WDFY3: variants seen among roughly 807,000 people sequenced by gnomAD.
The protein encoded by WDFY3 is WD repeat and FYVE domain-containing protein 3.
In WDFY3, 66 loss-of-function variants were observed where a neutral mutation model predicts 409.6. That is an observed-to-expected ratio of 0.16 (90% CI 0.13 to 0.20). The LOEUF (loss-of-function observed/expected upper bound fraction) is 0.20. WDFY3 is among the 10% of genes least tolerant of loss of function. WDFY3 has a pLI of 1.00. For missense variants in WDFY3, 3,031 were observed against 4,298.1 expected, an observed-to-expected ratio of 0.71 and a Z score of 8.24; for synonymous variants, 1,521 against 1,537.1, an observed-to-expected ratio of 0.99 and a Z score of 0.25.
At chr4:84,875,580 T>G (rs1424396437) in intron 3 of WDFY3, among the ~76,000 whole-genome samples, 2 of 152,196 alleles carry the variant, frequency 1.3e-5, no homozygotes, top group African/African-American at 2.4e-5. Flanking sequence ...CTTTCAAACT[T>G]TCAAATTTTT....
chr4:84,780,766 AAAAT>A (rs370562593), intron 25 of WDFY3, among the ~76,000 whole-genome samples: 17 of 151,238 alleles, frequency 1.1e-4, no homozygotes, highest in South Asian at 2.1e-4. Flanking sequence ...TCCCTCTCAA[AAAAT>A]AAATAAATAA....
At chr4:84,946,106 A>G (rs1419541038) in intron 1 of WDFY3, among the ~76,000 whole-genome samples, 3 of 152,176 alleles carry the variant, frequency 2.0e-5, no homozygotes, top group Non-Finnish European at 1.5e-5. Flanking sequence ...AATTCTATAC[A>G]GTTGGAACTA....
rs568042262 is a variant in WDFY3 at position 84,919,063 on chromosome 4, A to G, written c.-132+13207T>C. On this transcript the variant is annotated intron_variant, in intron 2 of 67. Transcript: ENST00000295888. ...GCACAAGATGAAACTTATTATAAAG[A>G]GTGAAACTAATGACTTGCTTAAAAA... is the stretch of plus-strand genomic sequence containing the variant. Among the ~76,000 whole-genome samples the G allele has an allele frequency of 7.2e-5, 11 of 152,178 alleles. No homozygotes were observed. In the South Asian group the frequency reaches 2.1e-3, roughly 29 times the overall value.
chr4:84,771,363 C>T (rs1744652076), intron 30 of WDFY3, among the ~76,000 whole-genome samples: 1 of 152,126 alleles, frequency 6.6e-6, no homozygotes, highest in Non-Finnish European at 1.5e-5. Context: ...GTCTTGAATT[C>T]CTGGACTCAA....
At chr4:84,683,806 A>C in intron 63 of WDFY3, 137 bp downstream of exon 63, 1 of 849,326 alleles carries the variant, frequency 1.2e-6, no homozygotes, top group African/African-American at 1.7e-5. Context: ...CGCAGAGGCC[A>C]AGGCCTGTCT....
intron 4 of WDFY3, among the ~76,000 whole-genome samples, chr4:84,858,449 A>G (rs1415014303): frequency 6.6e-6 from 1 of 152,214 alleles, no homozygotes; most frequent in East Asian, 1.9e-4. Flanking sequence ...ATAGTAAAAC[A>G]ACAAAGAATT....
chr4:84,758,879 G>T (rs148906671), intron 32 of WDFY3, among the ~76,000 whole-genome samples: 1 of 152,058 alleles, frequency 6.6e-6, no homozygotes, highest in Non-Finnish European at 1.5e-5. Flanking sequence ...GTCCTTGCCC[G>T]TGCCTATGTC....
At chr4:84,741,607 G>A (rs972858493) in intron 38 of WDFY3, among the ~76,000 whole-genome samples, 154 bp downstream of exon 38, 4 of 152,014 alleles carry the variant, frequency 2.6e-5, no homozygotes, top group Admixed American at 6.6e-5. Flanking sequence ...GAGTCACTGC[G>A]CCCAGCCTGT....
chr4:84,832,657 C>G (rs1755913754), intron 7 of WDFY3, among the ~76,000 whole-genome samples: 1 of 151,992 alleles, frequency 6.6e-6, no homozygotes, highest in Non-Finnish European at 1.5e-5. Flanking sequence ...AGTTTAAAAA[C>G]CGTAAGAGTG....
intron 15 of WDFY3, among the ~76,000 whole-genome samples, chr4:84,806,465 G>A (rs1431831839): frequency 6.6e-6 from 1 of 152,168 alleles, no homozygotes; most frequent in East Asian, 1.9e-4. Context: ...TTTCCCTTAA[G>A]TCAAAGACCT....
chr4:84,882,970 G>C (rs141863562), intron 3 of WDFY3, among the ~76,000 whole-genome samples: 115 of 152,268 alleles, frequency 7.6e-4, no homozygotes, highest in African/African-American at 2.7e-3. Context: ...GACTCCCAAA[G>C]TGCTGGGATT....
chr4:84,743,029 T>C (rs560254635), intron 37 of WDFY3, among the ~76,000 whole-genome samples: 114 of 152,296 alleles, frequency 7.5e-4, no homozygotes, highest in African/African-American at 2.6e-3. Context: ...CACAGTTGCA[T>C]GTTGAGACAA....
chr4:84,727,882 T>A (rs1379379327), intron 44 of WDFY3, among the ~76,000 whole-genome samples: 3 of 152,192 alleles, frequency 2.0e-5, no homozygotes, highest in Admixed American at 1.3e-4. Context: ...GTATATCTTA[T>A]ATTGAAAAAT....
At chr4:84,903,145 T>G (rs961068289) in intron 2 of WDFY3, among the ~76,000 whole-genome samples, 1 of 152,204 alleles carries the variant, frequency 6.6e-6, no homozygotes, top group Non-Finnish European at 1.5e-5. Context: ...AGAGTATCAG[T>G]AATTTTTACA....
At chr4:84,790,558 T>C (rs1054401828) in intron 21 of WDFY3, among the ~76,000 whole-genome samples, 3 of 151,970 alleles carry the variant, frequency 2.0e-5, no homozygotes, top group African/African-American at 7.3e-5. Context: ...AATAACGTTA[T>C]GATAAACACT....
At chr4:84,925,614 G>A (rs1464817964) in intron 2 of WDFY3, among the ~76,000 whole-genome samples, 2 of 152,146 alleles carry the variant, frequency 1.3e-5, no homozygotes, top group African/African-American at 4.8e-5. Context: ...TTTGAAAAAA[G>A]CTATAAAGGA....
At chr4:84,857,232 G>C (rs1272571937) in intron 4 of WDFY3, among the ~76,000 whole-genome samples, 1 of 151,844 alleles carries the variant, frequency 6.6e-6, no homozygotes, top group African/African-American at 2.4e-5. Flanking sequence ...CAATAACATA[G>C]GACATAAGAT....
chr4:84,870,612 T>C (rs1762015474), intron 3 of WDFY3, among the ~76,000 whole-genome samples: 2 of 152,070 alleles, frequency 1.3e-5, no homozygotes, highest in Admixed American at 6.6e-5. Flanking sequence ...TCTCAGAGTA[T>C]TCTCCATAAC....
chr4:84,773,694 G>C (rs1385484411), intron 29 of WDFY3, among the ~76,000 whole-genome samples: 2 of 152,146 alleles, frequency 1.3e-5, no homozygotes, highest in African/African-American at 4.8e-5. Context: ...TAATTCTTAA[G>C]CTAAAGTTTT....
Sources: gnomAD v4.1 joint callset for allele counts (sites outside exome capture counted in the v4.1 genomes callset) on GRCh38, gnomAD v4.1.1 for gene constraint, MANE v1.5 for transcripts, NCBI Gene and HGNC (gene_info 2026-07-23, HGNC 2026-07-21) for gene names.